The following CACNA1B variants were observed in gnomAD, a reference collection of about 807,000 sequenced individuals.
The protein encoded by CACNA1B is voltage-dependent N-type calcium channel subunit alpha-1B.
A neutral mutation model predicts 247.2 loss-of-function variants in CACNA1B; 70 were observed. That is an observed-to-expected ratio of 0.28 (90% CI 0.23 to 0.35). CACNA1B has a LOEUF of 0.35. CACNA1B is among the 10% of genes least tolerant of loss of function. The pLI, the probability that CACNA1B is intolerant of heterozygous loss-of-function variation, is 1.00. For missense variants in CACNA1B, 2,367 were observed against 3,197.4 expected, an observed-to-expected ratio of 0.74 and a Z score of 6.26; for synonymous variants, 1,231 against 1,294.4, an observed-to-expected ratio of 0.95 and a Z score of 1.05.
Position 137,995,408 on chromosome 9 carries a change from A to G in CACNA1B, c.1974+8554A>G, listed in dbSNP as rs140021159. On this transcript the variant is annotated intron_variant, in intron 15 of 46. Transcript: ENST00000371372. ...ACTTACAGCCAACTGATCTTTGACAAAATAAACAAAAACATAAAGTGGGGA... is the reference window on the plus strand; with the variant it reads ...ACTTACAGCCAACTGATCTTTGACAGAATAAACAAAAACATAAAGTGGGGA... Among the ~76,000 whole-genome samples, 541 of 152,280 alleles carry G rather than the reference A, an allele frequency of 3.6e-3. 24 individuals carry two copies. The East Asian group carries it at 0.089, about 25-fold the overall frequency.
At chr9:137,893,998 T>A (rs1167781761) in intron 3 of CACNA1B, among the ~76,000 whole-genome samples, 1 of 152,256 alleles carries the variant, frequency 6.6e-6, no homozygotes, top group East Asian at 1.9e-4. Flanking sequence ...ATTTCGATGA[T>A]CTTAGATAAA....
chr9:137,885,209 C>T (rs1176365919), intron 3 of CACNA1B, among the ~76,000 whole-genome samples: 15 of 151,568 alleles, frequency 9.9e-5, no homozygotes, highest in Non-Finnish European at 1.6e-4. Flanking sequence ...CAGGGAACCC[C>T]GGGTTGGAGG....
intron 36 of CACNA1B, among the ~76,000 whole-genome samples, chr9:138,086,947 T>C (rs1960711995): frequency 6.6e-6 from 1 of 150,774 alleles, no homozygotes; most frequent in South Asian, 2.1e-4. Flanking sequence ...TGTAAAATAA[T>C]TGAAATTGTA....
In CACNA1B at chr9:138,023,296, C is replaced by T. The variant is rs921159133; in HGVS notation, c.2553C>T (p.His851=). ...AGGGCGTCGACCCTCCGCGCAGGCACCACCGGCACCGCGACAAGGACAAGA... is the reference window on the plus strand; with the variant it reads ...AGGGCGTCGACCCTCCGCGCAGGCATCACCGGCACCGCGACAAGGACAAGA... ...APEGVDPPRR[H]HRHRDKDKTP... Residue 851 remains histidine (H), a synonymous_variant, in exon 19 of 47, where the codon CAC becomes CAT. Transcript: ENST00000371372. 4.0e-6 allele frequency: 6 copies of T among 1,515,434 alleles called. No homozygotes were observed. The Admixed American group carries it at 6.1e-5, about 15-fold the overall frequency. 93.9% of individuals were successfully genotyped at this position (1,515,434 alleles called of 1,614,324 possible).
intron 20 of CACNA1B, among the ~76,000 whole-genome samples, chr9:138,043,078 A>G (rs527986900): frequency 6.6e-6 from 1 of 152,224 alleles, no homozygotes; most frequent in African/African-American, 2.4e-5. Flanking sequence ...CAGGGACAAC[A>G]AAATTTACCT....
intron 31 of CACNA1B, among the ~76,000 whole-genome samples, chr9:138,063,922 T>C (rs1364780610): frequency 6.6e-6 from 1 of 152,232 alleles, no homozygotes; most frequent in Non-Finnish European, 1.5e-5. Flanking sequence ...GGTGTCGGTG[T>C]TGAGGACTTT....
chr9:138,023,905 GGCTGCA>G, intron 19 of CACNA1B, 94 bp downstream of exon 19: 1 of 665,682 alleles, frequency 1.5e-6, no homozygotes. Context: ...CCACGGCGGA[GGCTGCA>G]GCCCCGGCCA....
chr9:137,961,061 T>C (rs1177447609), intron 10 of CACNA1B, among the ~76,000 whole-genome samples: 1 of 152,190 alleles, frequency 6.6e-6, no homozygotes, highest in Admixed American at 6.5e-5. Context: ...GGTTGTTTGT[T>C]CTCTCAGCAC....
intron 16 of CACNA1B, among the ~76,000 whole-genome samples, chr9:138,008,588 G>T (rs1391651090): frequency 2.6e-5 from 4 of 152,234 alleles, no homozygotes; most frequent in Non-Finnish European, 1.5e-5. Flanking sequence ...GCCAGAGAGG[G>T]ACCTGACCTG....
At chr9:138,079,739 T>A in intron 36 of CACNA1B, among the ~76,000 whole-genome samples, 1 of 91,620 alleles carries the variant, frequency 1.1e-5, no homozygotes. Flanking sequence ...CCAGACTCCA[T>A]CTCAAAAAAA....
intron 36 of CACNA1B, among the ~76,000 whole-genome samples, chr9:138,078,837 C>T (rs1206860963): frequency 6.6e-6 from 1 of 152,104 alleles, no homozygotes; most frequent in African/African-American, 2.4e-5. Flanking sequence ...AAAAGTAGAG[C>T]TGGCACGATT....
chr9:138,079,889 A>AG (rs1016292819), intron 36 of CACNA1B, among the ~76,000 whole-genome samples: 1 of 152,086 alleles, frequency 6.6e-6, no homozygotes, highest in Non-Finnish European at 1.5e-5. Context: ...AAAAAAAAAA[A>AG]AAATGTTGTT....
chr9:137,930,135 A>C (rs1957592841), intron 6 of CACNA1B, among the ~76,000 whole-genome samples: 1 of 152,130 alleles, frequency 6.6e-6, no homozygotes, highest in South Asian at 2.1e-4. Context: ...CATCACTTGT[A>C]TATCTTCTTT....
chr9:137,916,790 T>G lies in CACNA1B; in HGVS notation c.776-451T>G, dbSNP rs138062272. Among the ~76,000 whole-genome samples the G allele has an allele frequency of 4.0e-3, 601 of 152,004 alleles. 5 individuals are homozygous for G. Among genetic ancestry groups the G allele is most frequent in the African/African-American group, 0.014 (580 of 41,428 alleles). ...GAGAGGAACGGTCCTCGTGGCAGTT[T>G]GGCCGTGAGGGAGAGGTACAGTCAG... On this transcript the variant is annotated intron_variant, in intron 5 of 46. Coordinates refer to ENST00000371372, the MANE Select transcript of CACNA1B (RefSeq NM_000718.4).
Position 137,923,804 on chromosome 9 carries a change from T to G in CACNA1B, c.966+6373T>G, listed in dbSNP as rs551549961. Among the ~76,000 whole-genome samples the G allele has an allele frequency of 2.6e-5, 4 of 152,334 alleles. 1 individual carries two copies. In the South Asian group the frequency reaches 8.3e-4, roughly 32 times the overall value. ...CAGTTTTTGTGCATTCTGGCCAGTG[T>G]TTGGTGGTGACACTTTTTTATTTTA... On this transcript the variant is annotated intron_variant, in intron 6 of 46. Coordinates refer to ENST00000371372, the MANE Select transcript of CACNA1B (RefSeq NM_000718.4).
intron 21 of CACNA1B, 146 bp downstream of exon 21, chr9:138,044,046 T>G: frequency 1.8e-6 from 2 of 1,132,298 alleles, no homozygotes; most frequent in Non-Finnish European, 2.5e-6. Context: ...CAGAGGCACG[T>G]GCCCGTGTGA....
At chr9:138,038,405 G>A (rs1269387126) in intron 20 of CACNA1B, among the ~76,000 whole-genome samples, 1 of 152,208 alleles carries the variant, frequency 6.6e-6, no homozygotes, top group Non-Finnish European at 1.5e-5. Context: ...GGACACTGCC[G>A]TGATTCCTGT....
chr9:138,013,395 G>A (rs562908294), intron 18 of CACNA1B, among the ~76,000 whole-genome samples, 160 bp downstream of exon 18: 1 of 152,258 alleles, frequency 6.6e-6, no homozygotes, highest in Admixed American at 6.5e-5. Flanking sequence ...ATGAGAGCCT[G>A]GGGGCTCCAG....
At position 137,974,213 on chromosome 9, in the gene CACNA1B, C is replaced by T. The variant is rs577286038; in HGVS notation, c.1544-1694C>T. On this transcript the variant is annotated intron_variant, in intron 11 of 46. Coordinates refer to ENST00000371372, the MANE Select transcript of CACNA1B (RefSeq NM_000718.4). The surrounding 1 kb of genome is among the most constrained non-coding windows in gnomAD (Gnocchi z 4.5). ...CACCTGGTGGTCTGCACAGCCAGGC[C>T]CAGGTCAGAGCTGTAGGGTCCAGTG... Among the ~76,000 whole-genome samples, 101 of 152,288 alleles carry T rather than the reference C, an allele frequency of 6.6e-4. No individual in the cohort carries two copies. The highest frequency in any genetic ancestry group is 1.4e-3 in the Non-Finnish European group (94 of 68,022).
Sources: gnomAD v4.1 joint callset for allele counts (sites outside exome capture counted in the v4.1 genomes callset) on GRCh38, gnomAD v4.1.1 for gene constraint, Gnocchi (gnomAD v3.1) non-coding constraint, MANE v1.5 for transcripts, NCBI Gene and HGNC (gene_info 2026-07-23, HGNC 2026-07-21) for gene names.